EPHA6: variants seen among roughly 807,000 people sequenced by gnomAD.
The protein encoded by EPHA6 is ephrin type-A receptor 6.
EPHA6 carries 50 observed loss-of-function variants against 112.0 expected under a neutral mutation model. The observed-to-expected ratio is 0.45, with a 90% confidence interval of 0.36 to 0.56. The LOEUF (loss-of-function observed/expected upper bound fraction) is 0.56, where lower values mean the gene tolerates loss of function less well. EPHA6 is among the 20% of genes least tolerant of loss of function. The pLI is 0.00. For synonymous variants in EPHA6, 529 were observed against 490.7 expected (o/e 1.08, Z -1.03); for missense variants, 1,280 against 1,417.4 (o/e 0.90, Z 1.56).
At chr3:97,171,040 A>G (rs543450843) in intron 3 of EPHA6, among the ~76,000 whole-genome samples, 1 of 152,196 alleles carries the variant, frequency 6.6e-6, no homozygotes, top group African/African-American at 2.4e-5. Flanking sequence ...TGGACTGAAA[A>G]GGAGTGAGAA....
chr3:97,314,206 G>C (rs1269995589), intron 5 of EPHA6, among the ~76,000 whole-genome samples: 1 of 151,456 alleles, frequency 6.6e-6, no homozygotes, highest in African/African-American at 2.4e-5. Flanking sequence ...GTTTATTTCT[G>C]GGCTTTCTAT....
At chr3:97,122,610 G>A (rs954081457) in intron 3 of EPHA6, among the ~76,000 whole-genome samples, 1 of 151,968 alleles carries the variant, frequency 6.6e-6, no homozygotes, top group Non-Finnish European at 1.5e-5. Flanking sequence ...TTCCAAGCTT[G>A]TACGTATTTC....
intron 11 of EPHA6, among the ~76,000 whole-genome samples, chr3:97,554,385 C>CA (rs1172617034): frequency 2.6e-5 from 4 of 151,858 alleles, no homozygotes; most frequent in African/African-American, 4.8e-5. Context: ...GTTTTATGAA[C>CA]AAAAATGGAA....
chr3:96,886,154 G>A (rs2037606907), intron 2 of EPHA6, among the ~76,000 whole-genome samples: 1 of 152,158 alleles, frequency 6.6e-6, no homozygotes, highest in Non-Finnish European at 1.5e-5. Context: ...TTCTTCAGCT[G>A]TTGGGTGAAA....
At chr3:97,397,353 G>C (rs2086751539) in intron 5 of EPHA6, among the ~76,000 whole-genome samples, 1 of 151,448 alleles carries the variant, frequency 6.6e-6, no homozygotes, top group Non-Finnish European at 1.5e-5. Flanking sequence ...ATTACTTCAA[G>C]AGTGTTACCA....
intron 14 of EPHA6, among the ~76,000 whole-genome samples, chr3:97,713,532 A>T (rs1024724838): frequency 1.3e-5 from 2 of 152,222 alleles, no homozygotes; most frequent in African/African-American, 4.8e-5. Context: ...CCAATATTTT[A>T]AAAATACTGT....
intron 3 of EPHA6, among the ~76,000 whole-genome samples, chr3:97,132,978 G>A (rs936690772): frequency 1.3e-5 from 2 of 151,968 alleles, no homozygotes; most frequent in African/African-American, 4.8e-5. Flanking sequence ...TCCTGTTACA[G>A]CATAACAGTG....
At chr3:97,527,285 G>A (rs965092172) in intron 10 of EPHA6, among the ~76,000 whole-genome samples, 3 of 152,098 alleles carry the variant, frequency 2.0e-5, no homozygotes, top group African/African-American at 7.2e-5. Context: ...TACTGGGTCT[G>A]CCACCTAGGT....
chr3:96,814,857 C>T lies in EPHA6; in HGVS notation c.234C>T (p.Arg78=). Residue 78 remains arginine, a synonymous_variant, in exon 1 of 18, where the codon CGC becomes CGT. Coordinates refer to ENST00000389672, the MANE Select transcript of EPHA6 (RefSeq NM_001080448.3). ...DPHPTQNTCL[R]CRHFSLRERK... Reference sequence around the variant, plus strand: ...ATCCTACCCAGAACACCTGCCTGCGCTGCCGCCACTTCTCTTTAAGGGAGA... The same window carrying T: ...ATCCTACCCAGAACACCTGCCTGCGTTGCCGCCACTTCTCTTTAAGGGAGA... The T allele has an allele frequency of 6.4e-7, 1 of 1,561,934 alleles. No individual in the cohort carries two copies. Among genetic ancestry groups the T allele is most frequent in the African/African-American group, 1.4e-5 (1 of 73,528 alleles).
At chr3:97,415,398 G>T (rs1032308986) in intron 6 of EPHA6, among the ~76,000 whole-genome samples, 8 of 151,930 alleles carry the variant, frequency 5.3e-5, no homozygotes, top group African/African-American at 1.9e-4. Context: ...CTATTCATTG[G>T]ACACCTTGAA....
intron 3 of EPHA6, among the ~76,000 whole-genome samples, chr3:97,021,240 C>G (rs1361183230): frequency 6.6e-6 from 1 of 152,162 alleles, no homozygotes; most frequent in African/African-American, 2.4e-5. Context: ...TTCTAAGAAG[C>G]AGCTGGTCGT....
At chr3:97,000,644 A>G (rs1362140391) in intron 3 of EPHA6, among the ~76,000 whole-genome samples, 6 of 151,756 alleles carry the variant, frequency 4.0e-5, no homozygotes, top group African/African-American at 1.4e-4. Flanking sequence ...CATATATAGT[A>G]TACAAGTGCC....
chr3:97,047,328 G>T (rs368945576), intron 3 of EPHA6, among the ~76,000 whole-genome samples: 1 of 151,636 alleles, frequency 6.6e-6, no homozygotes, highest in East Asian at 1.9e-4. Flanking sequence ...GTGAAACCCC[G>T]TCTCTACTAA....
intron 15 of EPHA6, among the ~76,000 whole-genome samples, chr3:97,727,508 C>G (rs529539874): frequency 6.6e-6 from 1 of 151,986 alleles, no homozygotes; most frequent in Non-Finnish European, 1.5e-5. Flanking sequence ...TGAAATGCAG[C>G]ATGATTTTAT....
chr3:96,975,536 A>C (rs187705372), intron 2 of EPHA6, among the ~76,000 whole-genome samples: 168 of 152,340 alleles, frequency 1.1e-3, no homozygotes, highest in African/African-American at 3.9e-3. Flanking sequence ...AATGAAGACC[A>C]AATGAGTTAA....
At chr3:96,994,732 T>TATAG (rs1170197805) in intron 3 of EPHA6, among the ~76,000 whole-genome samples, 62 of 82,200 alleles carry the variant, frequency 7.5e-4, no homozygotes, top group African/African-American at 2.9e-3. Context: ...TATATATATA[T>TATAG]AGAGAGAGAG....
At chr3:97,294,927 T>A (rs1440023311) in intron 5 of EPHA6, among the ~76,000 whole-genome samples, 1 of 152,130 alleles carries the variant, frequency 6.6e-6, no homozygotes, top group African/African-American at 2.4e-5. Context: ...GCCTATAAGG[T>A]TTCTTTAGAG....
chr3:97,204,996 G>A (rs1470727046), intron 3 of EPHA6, among the ~76,000 whole-genome samples: 3 of 151,960 alleles, frequency 2.0e-5, no homozygotes, highest in African/African-American at 4.8e-5. Context: ...GAAAAATTGG[G>A]CAATTATAGG....
intron 3 of EPHA6, among the ~76,000 whole-genome samples, chr3:97,011,373 A>C (rs553770007): frequency 4.6e-4 from 70 of 152,274 alleles, no homozygotes; most frequent in African/African-American, 1.5e-3. Flanking sequence ...AAAGGAAGAA[A>C]ATTGAAACTG....
Sources: gnomAD v4.1 joint callset for allele counts (sites outside exome capture counted in the v4.1 genomes callset) on GRCh38, gnomAD v4.1.1 for gene constraint, MANE v1.5 for transcripts, NCBI Gene and HGNC (gene_info 2026-07-23, HGNC 2026-07-21) for gene names.